WIF1: variants seen among roughly 807,000 people sequenced by gnomAD.
WIF1 encodes Wnt inhibitory factor 1.
WIF1 carries 35 observed loss-of-function variants against 53.5 expected under a neutral mutation model. The observed-to-expected ratio is 0.65, with a 90% confidence interval of 0.50 to 0.87. WIF1 has a LOEUF of 0.87. Among genes scored for constraint, WIF1 ranks in the 40% least tolerant of loss-of-function variants. The probability of loss-of-function intolerance (pLI) is 0.00; values close to 1 mark genes in which losing one functional copy is unlikely to be tolerated. For missense variants in WIF1, 467 were observed against 476.8 expected, an observed-to-expected ratio of 0.98 and a Z score of 0.19; for synonymous variants, 171 against 170.4, an observed-to-expected ratio of 1.00 and a Z score of -0.03.
At chr12:65,104,704 T>G (rs973729768) in intron 2 of WIF1, among the ~76,000 whole-genome samples, 1 of 152,204 alleles carries the variant, frequency 6.6e-6, no homozygotes, top group Non-Finnish European at 1.5e-5. Context: ...TTTCTTCTTC[T>G]ACTCCTCCTC....
At position 65,058,205 on chromosome 12, in the gene WIF1, A is replaced by G. The variant is rs1882558445; in HGVS notation, c.827-2079T>C. 2.0e-5 allele frequency among the ~76,000 whole-genome samples: 3 copies of G among 152,342 alleles called. 1 individual carries two copies. The South Asian group carries it at 6.2e-4, about 32-fold the overall frequency. ...TCCAAATTTCCATTTGCATCAAATA[A>G]ATACCTGACCCCAACATATACACAA... On this transcript the variant is annotated intron_variant, in intron 7 of 9. Coordinates refer to ENST00000286574, the MANE Select transcript of WIF1 (RefSeq NM_007191.5).
intron 2 of WIF1, among the ~76,000 whole-genome samples, chr12:65,081,992 T>C (rs1020022133): frequency 1.1e-4 from 17 of 152,254 alleles, no homozygotes; most frequent in Admixed American, 3.3e-4. Context: ...TCTAAAACCA[T>C]CAATACTGTG....
At chr12:65,077,978 C>A in intron 2 of WIF1, 124 bp from the exon 3 acceptor site, 1 of 705,198 alleles carries the variant, frequency 1.4e-6, no homozygotes, top group Middle Eastern at 2.6e-4. Context: ...GAGCACACAG[C>A]ATCCAAGATA....
At chr12:65,118,831 A>T (rs891886803) in intron 2 of WIF1, among the ~76,000 whole-genome samples, 6 of 151,948 alleles carry the variant, frequency 3.9e-5, no homozygotes, top group Middle Eastern at 3.4e-3. Flanking sequence ...CAACAGACAA[A>T]CATAAGTGAG....
intron 3 of WIF1, 68 bp from the exon 4 acceptor site, chr12:65,068,972 T>C: frequency 6.4e-7 from 1 of 1,558,116 alleles, no homozygotes; most frequent in Admixed American, 1.9e-5. Flanking sequence ...ACAGAAATCT[T>C]GGGAACCAAG....
chr12:65,057,546 G>T (rs886944005), intron 7 of WIF1, among the ~76,000 whole-genome samples: 1 of 152,158 alleles, frequency 6.6e-6, no homozygotes, highest in Non-Finnish European at 1.5e-5. Context: ...CACATCCTAT[G>T]CCTGGCATAA....
chr12:65,103,728 T>C (rs1022978369), intron 2 of WIF1, among the ~76,000 whole-genome samples: 1 of 152,182 alleles, frequency 6.6e-6, no homozygotes, highest in African/African-American at 2.4e-5. Context: ...TATACATATA[T>C]GTACATGTAC....
chr12:65,107,684 C>T (rs989178009), intron 2 of WIF1, among the ~76,000 whole-genome samples: 7 of 152,132 alleles, frequency 4.6e-5, no homozygotes, highest in Non-Finnish European at 7.4e-5. Flanking sequence ...GCTTCAGATG[C>T]GAATCCTCCC....
intron 5 of WIF1, 99 bp from the exon 6 acceptor site, chr12:65,066,835 T>C: frequency 1.4e-6 from 1 of 702,170 alleles, no homozygotes. Flanking sequence ...TTTCAAGCTT[T>C]GTGGTTGACT....
intron 7 of WIF1, among the ~76,000 whole-genome samples, chr12:65,057,213 T>C: frequency 6.6e-6 from 1 of 152,192 alleles, no homozygotes; most frequent in East Asian, 1.9e-4. Flanking sequence ...TGTGCAAGGC[T>C]GGCCAAGAGG....
At chr12:65,112,453 A>ACACACACCC in intron 2 of WIF1, among the ~76,000 whole-genome samples, 3 of 43,264 alleles carry the variant, frequency 6.9e-5, no homozygotes, top group Admixed American at 2.2e-4. Context: ...CACACACACC[A>ACACACACCC]TCCTGGAGCT....
chr12:65,067,259 G>A (rs6581604), intron 5 of WIF1, among the ~76,000 whole-genome samples: 149,851 of 152,256 alleles, frequency 0.98, 73,750 homozygotes, highest in East Asian at 1. Flanking sequence ...CCTTGCTTAT[G>A]TCTTTTTTCA....
chr12:65,091,086 A>G (rs1883114923), intron 2 of WIF1, among the ~76,000 whole-genome samples: 1 of 152,058 alleles, frequency 6.6e-6, no homozygotes, highest in Non-Finnish European at 1.5e-5. Flanking sequence ...GAATTATCTT[A>G]TTTCTTTAAC....
At chr12:65,089,448 C>T (rs1442637916) in intron 2 of WIF1, among the ~76,000 whole-genome samples, 1 of 152,084 alleles carries the variant, frequency 6.6e-6, no homozygotes, top group Non-Finnish European at 1.5e-5. Context: ...TCAATCGGCA[C>T]CATCATCCAA....
chr12:65,088,415 A>C (rs1340428574), intron 2 of WIF1, among the ~76,000 whole-genome samples: 1 of 152,138 alleles, frequency 6.6e-6, no homozygotes, highest in African/African-American at 2.4e-5. Context: ...CCCATCATTT[A>C]TGCCATCTGT....
chr12:65,084,645 T>C (rs1278296602), intron 2 of WIF1, among the ~76,000 whole-genome samples: 1 of 152,246 alleles, frequency 6.6e-6, no homozygotes, highest in Admixed American at 6.5e-5. Flanking sequence ...AATGGTCTAC[T>C]GGAGACTCAC....
At chr12:65,067,932 C>T (rs1453130278) in intron 4 of WIF1, 142 bp from the exon 5 acceptor site, 4 of 677,114 alleles carry the variant, frequency 5.9e-6, no homozygotes, top group Non-Finnish European at 9.7e-6. Context: ...ACTTCCAACT[C>T]ATTCCCTCGA....
At chr12:65,061,108 G>A (rs1882604955) in intron 7 of WIF1, among the ~76,000 whole-genome samples, 1 of 152,150 alleles carries the variant, frequency 6.6e-6, no homozygotes, top group Non-Finnish European at 1.5e-5. Flanking sequence ...CTTTATCCGG[G>A]AAGGGTAATT....
At chr12:65,118,177 AT>A (rs1349630762) in intron 2 of WIF1, among the ~76,000 whole-genome samples, 1 of 152,232 alleles carries the variant, frequency 6.6e-6, no homozygotes, top group African/African-American at 2.4e-5. Flanking sequence ...AAATGCCTAA[AT>A]ATTTGATATC....
Sources: allele counts gnomAD v4.1 joint callset (sites outside exome capture counted in the v4.1 genomes callset), GRCh38; gene constraint gnomAD v4.1.1; transcripts MANE v1.5; gene names NCBI Gene and HGNC (gene_info 2026-07-23, HGNC 2026-07-21).